Variants in RAE1 observed in about 807,000 individuals in gnomAD.
The protein encoded by RAE1 is ribonucleic acid export 1, also known as mRNA export factor RAE1.
In RAE1, 13 loss-of-function variants were observed where a neutral mutation model predicts 52.7. That is an observed-to-expected ratio of 0.25 (90% CI 0.16 to 0.39). The LOEUF (loss-of-function observed/expected upper bound fraction) is 0.39. Among genes scored for constraint, RAE1 ranks in the 10% least tolerant of loss-of-function variants. RAE1 has a pLI of 1.00. For missense variants in RAE1, 262 were observed against 459.8 expected (o/e 0.57, Z 3.93); for synonymous variants, 164 against 153.1 (o/e 1.07, Z -0.52).
intron 7 of RAE1, 22 bp downstream of exon 7, chr20:57,367,101 T>C (rs2146160217): frequency 6.6e-7 from 1 of 1,512,162 alleles, no homozygotes; most frequent in Middle Eastern, 1.7e-4. Flanking sequence ...CAACTTAATA[T>C]GTATTTACTT....
chr20:57,371,669 G>C (rs1226437519), intron 8 of RAE1: 1 of 152,182 alleles, frequency 6.6e-6, no homozygotes, highest in East Asian at 1.9e-4. Flanking sequence ...ATGAAAAACA[G>C]AATCACCATA....
At chr20:57,366,713 A>T in intron 5 of RAE1, 94 bp from the exon 6 acceptor site, 1 of 1,205,976 alleles carries the variant, frequency 8.3e-7, no homozygotes, top group Non-Finnish European at 1.2e-6. Context: ...CCCAGTATTT[A>T]AATTAGTTTC....
intron 8 of RAE1, 137 bp from the exon 9 acceptor site, chr20:57,373,338 T>A: frequency 1.3e-6 from 1 of 746,636 alleles, no homozygotes; most frequent in East Asian, 2.6e-5. Context: ...AAGCAATGCT[T>A]ACTGCTGTAT....
At chr20:57,365,578 C>G in intron 5 of RAE1, 136 bp downstream of exon 5, 1 of 563,814 alleles carries the variant, frequency 1.8e-6, no homozygotes, top group Non-Finnish European at 2.9e-6. Flanking sequence ...GACAATATAA[C>G]AGAAACCTCT....
chr20:57,368,500 A>G (rs779949224), intron 7 of RAE1, among the ~76,000 whole-genome samples: 18 of 152,214 alleles, frequency 1.2e-4, no homozygotes, highest in Non-Finnish European at 5.9e-5. Flanking sequence ...CACATATTTT[A>G]TAGTTAGTTT....
At chr20:57,377,426 T>C (rs1028068268) in intron 11 of RAE1, among the ~76,000 whole-genome samples, 1 of 152,224 alleles carries the variant, frequency 6.6e-6, no homozygotes, top group Non-Finnish European at 1.5e-5. Flanking sequence ...CCTCTGCCAT[T>C]CACAGCCCTG....
At chr20:57,367,592 T>C (rs1238121328) in intron 7 of RAE1, among the ~76,000 whole-genome samples, 2 of 151,912 alleles carry the variant, frequency 1.3e-5, no homozygotes, top group Non-Finnish European at 2.9e-5. Flanking sequence ...ATACAAAAAT[T>C]AGCTGGGCAT....
At chr20:57,362,018 G>A (rs746085857) in intron 4 of RAE1, among the ~76,000 whole-genome samples, 7 of 152,184 alleles carry the variant, frequency 4.6e-5, no homozygotes, top group Non-Finnish European at 1.0e-4. Context: ...AAGTGCACAC[G>A]TGAGGGATCT....
chr20:57,352,029 C>T, intron 1 of RAE1: 1 of 945,872 alleles, frequency 1.1e-6, no homozygotes, highest in Non-Finnish European at 1.3e-6. Flanking sequence ...AGCCAGCATT[C>T]TGGGGGGGAA....
intron 4 of RAE1, among the ~76,000 whole-genome samples, chr20:57,360,224 T>C (rs1011594873): frequency 1.3e-5 from 2 of 152,228 alleles, no homozygotes; most frequent in African/African-American, 2.4e-5. Flanking sequence ...CACTCTGCTC[T>C]TGGTTTACTG....
In RAE1 at chr20:57,367,003, T is replaced by G; in HGVS notation, c.463-5T>G. 6.2e-7 allele frequency: 1 copy of G among 1,608,480 alleles called. No individual in the cohort carries two copies. The highest frequency in any genetic ancestry group is 8.5e-7 in the Non-Finnish European group (1 of 1,174,820). ...CACATACTGGCTTCTCTTTTTTGCT[T>G]TTAGTTTTGGGATACTCGATCGTCA... On this transcript the variant is annotated splice_region_variant and splice_polypyrimidine_tract_variant and intron_variant, in intron 6 of 11. Coordinates refer to ENST00000395841, the MANE Select transcript of RAE1 (RefSeq NM_003610.4).
At chr20:57,358,921 C>T in intron 4 of RAE1, 1 of 1,364,424 alleles carries the variant, frequency 7.3e-7, no homozygotes, top group South Asian at 1.7e-5. Context: ...TTTTTATTTG[C>T]ATTGATGAAT....
intron 4 of RAE1, among the ~76,000 whole-genome samples, chr20:57,360,330 A>G (rs2146143657): frequency 6.6e-6 from 1 of 152,298 alleles, no homozygotes; most frequent in East Asian, 1.9e-4. Context: ...CATGGGCTAC[A>G]CCTTGACCTA....
At chr20:57,367,213 C>T (rs969123341) in intron 7 of RAE1, 134 bp downstream of exon 7, 40 of 794,012 alleles carry the variant, frequency 5.0e-5, no homozygotes, top group Non-Finnish European at 7.4e-5. Flanking sequence ...TATAAAGGAT[C>T]GAGTTGAGAT....
At chr20:57,365,278 C>A (rs1021637952) in intron 4 of RAE1, 78 bp from the exon 5 acceptor site, 1 of 1,049,414 alleles carries the variant, frequency 9.5e-7, no homozygotes, top group Non-Finnish European at 1.4e-6. Flanking sequence ...TCAATATGTT[C>A]AACGTAGTAT....
rs1290669260 is a variant in RAE1, at chr20:57,378,962, T to C, written c.*863T>C. On this transcript the variant is annotated 3_prime_UTR_variant, in exon 12 of 12. Transcript: ENST00000395841. Reference sequence around the variant, plus strand: ...GGCTGTTCTTTTGTATTTTGTGTAATTTAAAATTCCTGGTTGGTAAGTATT... The same window carrying C: ...GGCTGTTCTTTTGTATTTTGTGTAACTTAAAATTCCTGGTTGGTAAGTATT... 3 of 152,258 alleles carry C rather than the reference T, an allele frequency of 2.0e-5. No individual in the cohort carries two copies. The highest frequency in any genetic ancestry group is 4.4e-5 in the Non-Finnish European group (3 of 68,050). The allele number at this position is 152,258 out of a possible 1,614,324, so 9.4% of individuals were successfully genotyped here.
chr20:57,360,075 CT>C (rs1216722573), intron 4 of RAE1: 3 of 152,314 alleles, frequency 2.0e-5, no homozygotes, highest in Non-Finnish European at 4.4e-5. Flanking sequence ...TCCAAGCGCA[CT>C]TTCCAGTATG....
chr20:57,361,653 A>G (rs1242204066), intron 4 of RAE1, among the ~76,000 whole-genome samples: 1 of 152,238 alleles, frequency 6.6e-6, no homozygotes, highest in Non-Finnish European at 1.5e-5. Flanking sequence ...AAGTTCAGCT[A>G]CAATGGATTT....
intron 5 of RAE1, 44 bp downstream of exon 5, chr20:57,365,486 A>T: frequency 7.3e-7 from 1 of 1,370,124 alleles, no homozygotes; most frequent in Non-Finnish European, 1.0e-6. Flanking sequence ...ACTGGTACCC[A>T]GGACTGTGAT....
Sources: allele counts gnomAD v4.1 joint callset (sites outside exome capture counted in the v4.1 genomes callset), GRCh38; gene constraint gnomAD v4.1.1; transcripts MANE v1.5; gene names NCBI Gene and HGNC (gene_info 2026-07-23, HGNC 2026-07-21).